Variants in STON2 observed in about 807,000 individuals in gnomAD.
STON2 encodes stonin-2.
STON2 carries 29 observed loss-of-function variants against 65.7 expected under a neutral mutation model. The ratio of observed to expected loss-of-function variants is 0.44; its 90% CI spans 0.33 to 0.60. The LOEUF is 0.60. Among genes scored for constraint, STON2 ranks in the 20% least tolerant of loss-of-function variants. The probability of loss-of-function intolerance (pLI) is 0.03; values close to 1 mark genes in which losing one functional copy is unlikely to be tolerated. For synonymous variants in STON2, 404 were observed against 414.2 expected (o/e 0.98, Z 0.30); for missense variants, 1,054 against 1,118.1 (o/e 0.94, Z 0.82).
chr14:81,383,560 T>C (rs1157783415), intron 3 of STON2, among the ~76,000 whole-genome samples: 2 of 152,146 alleles, frequency 1.3e-5, no homozygotes, highest in Non-Finnish European at 2.9e-5. Flanking sequence ...CCTTGATTCT[T>C]CTCACAGTTG....
intron 5 of STON2, among the ~76,000 whole-genome samples, chr14:81,280,366 T>C (rs9323698): frequency 0.6 from 91,852 of 151,992 alleles, 28,230 homozygotes; most frequent in Non-Finnish European, 0.66. Context: ...ATATAGTAGG[T>C]ACTCAATAAG....
At chr14:81,369,899 G>C (rs541592612) in intron 4 of STON2, among the ~76,000 whole-genome samples, 1 of 152,306 alleles carries the variant, frequency 6.6e-6, no homozygotes, top group South Asian at 2.1e-4. Flanking sequence ...AAATGGGGCT[G>C]TGGGGGCATA....
intron 2 of STON2, among the ~76,000 whole-genome samples, chr14:81,424,995 A>C (rs916340453): frequency 6.6e-6 from 1 of 152,214 alleles, no homozygotes. Context: ...GACACCACTA[A>C]TAGCAGTATT....
upstream of STON2, among the ~76,000 whole-genome samples, chr14:81,400,478 C>CAAAAA (rs5810028): frequency 0.021 from 2,039 of 96,260 alleles, 76 homozygotes; most frequent in African/African-American, 0.024. Flanking sequence ...CAGCACCCGT[C>CAAAAA]AAAAAAAAAA....
At chr14:81,290,421 C>A (rs534337664) in intron 5 of STON2, among the ~76,000 whole-genome samples, 2 of 152,250 alleles carry the variant, frequency 1.3e-5, no homozygotes, top group South Asian at 4.1e-4. Context: ...GAGCTGAGAT[C>A]TCTTGCATGT....
chr14:81,309,210 TAC>T (rs1213802865), intron 5 of STON2, among the ~76,000 whole-genome samples: 2 of 152,038 alleles, frequency 1.3e-5, no homozygotes, highest in Non-Finnish European at 1.5e-5. Flanking sequence ...AAGCATTAAT[TAC>T]ACTGGCACAT....
chr14:81,277,891 A>G lies in STON2; in HGVS notation c.1591T>C (p.Phe531Leu), dbSNP rs1248976486. 7 of 1,614,006 alleles carry G rather than the reference A, an allele frequency of 4.3e-6. No individual in the cohort carries two copies. The South Asian group carries it at 7.7e-5, about 18-fold the overall frequency. ...ATCTCATGACAGATCTCCAGCTTGA[A>G]CTCACGGAATGGTTTTTCTAGGCCC... ...EQGLEKPFRE[F>L]KLEICHEISE... The change falls in exon 6 of 8, where the codon TTC becomes CTC. Residue 531 changes from phenylalanine to leucine, a missense_variant. Transcript: ENST00000614646.
intron 4 of STON2, among the ~76,000 whole-genome samples, chr14:81,370,519 G>A (rs897257497): frequency 4.6e-5 from 7 of 152,200 alleles, no homozygotes; most frequent in African/African-American, 1.4e-4. Context: ...ACTGCCAAAT[G>A]ATTTGTAGTC....
intron 5 of STON2, among the ~76,000 whole-genome samples, chr14:81,305,038 G>C (rs1445430518): frequency 6.6e-6 from 1 of 152,062 alleles, no homozygotes; most frequent in Non-Finnish European, 1.5e-5. Flanking sequence ...GCTTGTTTTT[G>C]AACTTAGATA....
At chr14:81,316,070 C>A (rs978907557) in intron 5 of STON2, among the ~76,000 whole-genome samples, 1 of 152,176 alleles carries the variant, frequency 6.6e-6, no homozygotes, top group African/African-American at 2.4e-5. Flanking sequence ...ATGCCTCCTA[C>A]AAAACATTAG....
chr14:81,372,485 G>A (rs1899046413), intron 3 of STON2, among the ~76,000 whole-genome samples: 1 of 151,796 alleles, frequency 6.6e-6, no homozygotes, highest in Non-Finnish European at 1.5e-5. Flanking sequence ...AACCCAGGAG[G>A]CGGGTGTCGC....
chr14:81,302,079 C>T (rs1405726636), intron 5 of STON2, among the ~76,000 whole-genome samples: 3 of 152,106 alleles, frequency 2.0e-5, no homozygotes, highest in East Asian at 1.9e-4. Context: ...AGGCTGGAGG[C>T]GAGGACACAA....
intron 2 of STON2, among the ~76,000 whole-genome samples, chr14:81,411,524 T>C (rs1040193334): frequency 6.6e-6 from 1 of 152,156 alleles, no homozygotes; most frequent in African/African-American, 2.4e-5. Flanking sequence ...CTGACCAACA[T>C]GGTGAAACCC....
chr14:81,404,664 CACCT>C (rs1040269644), upstream of STON2, among the ~76,000 whole-genome samples: 2 of 152,124 alleles, frequency 1.3e-5, no homozygotes, highest in African/African-American at 4.8e-5. Context: ...CCATCACACC[CACCT>C]AATTTTAAAA....
At chr14:81,338,353 C>T (rs1467640417) in intron 4 of STON2, among the ~76,000 whole-genome samples, 1 of 152,132 alleles carries the variant, frequency 6.6e-6, no homozygotes, top group Non-Finnish European at 1.5e-5. Context: ...CCATAGAAAA[C>T]CAAAAGGACA....
chr14:81,417,010 C>T (rs553221012), intron 2 of STON2, among the ~76,000 whole-genome samples: 3 of 152,206 alleles, frequency 2.0e-5, no homozygotes, highest in Middle Eastern at 6.8e-3. Context: ...GTTTTATTTC[C>T]CAGGTAGATG....
intron 5 of STON2, among the ~76,000 whole-genome samples, chr14:81,311,034 G>A (rs529669749): frequency 6.6e-6 from 1 of 152,304 alleles, no homozygotes; most frequent in South Asian, 2.1e-4. Flanking sequence ...AGTGCACAGG[G>A]TAGGTTTGAG....
chr14:81,413,273 C>T, intron 2 of STON2: 1 of 1,473,946 alleles, frequency 6.8e-7, no homozygotes, highest in Non-Finnish European at 8.9e-7. Flanking sequence ...AGTGGTCCAT[C>T]CAAAAACAAG....
intron 5 of STON2, chr14:81,278,943 T>C: frequency 4.8e-6 from 2 of 418,564 alleles, no homozygotes; most frequent in Non-Finnish European, 8.4e-6. Flanking sequence ...TCGCATTAAG[T>C]GCAATAAGAA....
Sources: gnomAD v4.1 joint callset for allele counts (sites outside exome capture counted in the v4.1 genomes callset) on GRCh38, gnomAD v4.1.1 for gene constraint, MANE v1.5 for transcripts, NCBI Gene and HGNC (gene_info 2026-07-23, HGNC 2026-07-21) for gene names.